UACA: variants seen among roughly 807,000 people sequenced by gnomAD.
The protein encoded by UACA is nuclear membrane binding protein.
A neutral mutation model predicts 160.5 loss-of-function variants in UACA; 112 were observed. That is an observed-to-expected ratio of 0.70 (90% CI 0.60 to 0.82). The LOEUF (loss-of-function observed/expected upper bound fraction) is 0.82, where lower values mean the gene tolerates loss of function less well. UACA is among the 40% of genes least tolerant of loss of function. The pLI is 0.00. For synonymous variants in UACA, 557 were observed against 568.4 expected (o/e 0.98, Z 0.29); for missense variants, 1,574 against 1,614.6 (o/e 0.97, Z 0.43).
Position 70,684,402 on chromosome 15 carries a change from AC to A in UACA, c.646del (p.Val216Ter), listed in dbSNP as rs755443569. 5 of 1,613,626 alleles carry A rather than the reference AC, an allele frequency of 3.1e-6. No individual in the cohort carries two copies. The East Asian group carries it at 1.1e-4, about 36-fold the overall frequency. On this transcript the variant is annotated frameshift_variant, in exon 8 of 19. Transcript: ENST00000322954. LOFTEE classifies it high-confidence loss of function. ...AGCACCATTTTTAATTAAGACTTCTACTGCATCTCTGCAACCATATTCGCAA... is the reference window on the plus strand; with the variant it reads ...AGCACCATTTTTAATTAAGACTTCTATGCATCTCTGCAACCATATTCGCAA... ...LGCEYGCRDA[V>X]EVLIKNGADI...
chr15:70,765,851 A>G (rs751460691), upstream of UACA, among the ~76,000 whole-genome samples: 2 of 152,148 alleles, frequency 1.3e-5, no homozygotes, highest in African/African-American at 4.8e-5. Context: ...CCCATTTACC[A>G]TCTAGTCCTC....
chr15:70,748,579 C>T (rs1317845987), intron 1 of UACA, among the ~76,000 whole-genome samples: 1 of 152,204 alleles, frequency 6.6e-6, no homozygotes, highest in African/African-American at 2.4e-5. Flanking sequence ...ATACAGCCTG[C>T]AGTCACATGC....
At chr15:70,690,263 C>T (rs1472118017) in intron 5 of UACA, among the ~76,000 whole-genome samples, 191 bp downstream of exon 5, 1 of 152,010 alleles carries the variant, frequency 6.6e-6, no homozygotes, top group African/African-American at 2.4e-5. Context: ...GCTGACTGGC[C>T]TGTAAATACT....
intron 3 of UACA, among the ~76,000 whole-genome samples, chr15:70,693,369 G>A (rs1898009118): frequency 6.6e-6 from 1 of 152,036 alleles, no homozygotes. Context: ...TCTCAAAACT[G>A]CACTAATTTG....
Position 70,700,324 on chromosome 15 carries a change from C to T in UACA, c.79-664G>A, listed in dbSNP as rs1310527505. ...TTGTATATATATATATATATACACA[C>T]ACACACACACACACACATTCTATAC... On this transcript the variant is annotated intron_variant, in intron 1 of 18. Transcript: ENST00000322954. Among the ~76,000 whole-genome samples, 27 of 116,418 alleles carry T rather than the reference C, an allele frequency of 2.3e-4. 1 individual carries two copies. The highest frequency in any genetic ancestry group is 1.3e-3 in the South Asian group (5 of 3,776). The allele number at this position is 116,418 out of a possible 152,430, so 76.4% of individuals were successfully genotyped here.
At chr15:70,724,430 A>G (rs1899086261) in intron 1 of UACA, among the ~76,000 whole-genome samples, 1 of 152,234 alleles carries the variant, frequency 6.6e-6, no homozygotes, top group Admixed American at 6.5e-5. Context: ...CTAAATATAT[A>G]ATGATAGTCC....
At chr15:70,702,250 G>C (rs1898392983) in intron 1 of UACA, 1 of 1,070,438 alleles carries the variant, frequency 9.3e-7, no homozygotes, top group Non-Finnish European at 1.1e-6. Flanking sequence ...TGGAAAACTT[G>C]AACAGCACTC....
upstream of UACA, among the ~76,000 whole-genome samples, chr15:70,766,236 G>A (rs148734061): frequency 6.6e-6 from 1 of 152,288 alleles, no homozygotes; most frequent in African/African-American, 2.4e-5. Flanking sequence ...ATTCAGTAAA[G>A]CTTTTTTACA....
rs143299796 is a variant in UACA, at chr15:70,667,826, T to C, written c.2858A>G (p.Tyr953Cys). 7.4e-6 allele frequency: 12 copies of C among 1,613,794 alleles called. No individual in the cohort carries two copies. The African/African-American group carries it at 1.3e-4, about 18-fold the overall frequency. The part of the protein sequence containing the change: ...QDSNAEILAN[Y>C]RKGQEEIVTL... Reference sequence around the variant, plus strand: ...CACAATCTCTTCTTGGCCTTTTCTGTAGTTGGCCAAGATTTCAGCATTACT... The same window carrying C: ...CACAATCTCTTCTTGGCCTTTTCTGCAGTTGGCCAAGATTTCAGCATTACT... Residue 953 changes from tyrosine (Y) to cysteine (C), a missense_variant, in exon 16 of 19, where the codon TAC becomes TGC. By Grantham distance (194) the Tyr-to-Cys change is radical (BLOSUM62 -2). Transcript: ENST00000322954.
In UACA at chr15:70,690,463, G is replaced by C. The variant is rs1282084972; in HGVS notation, c.415C>G (p.His139Asp). ...GGAAACCACTGCTCACCGGCATCGTGAAGTGCAGTTCTTCCCTGCAGGTCT... is the reference window on the plus strand; with the variant it reads ...GGAAACCACTGCTCACCGGCATCGTCAAGTGCAGTTCTTCCCTGCAGGTCT... The part of the protein sequence containing the change: ...HADLQGRTAL[H>D]DAAMADCPSS... The change falls in exon 5 of 19, where the codon CAC becomes GAC. Residue 139 changes from histidine to aspartate, a missense_variant. His to Asp is a moderately conservative substitution (Grantham distance 81). Transcript: ENST00000322954. 2 of 1,612,870 alleles carry C rather than the reference G, an allele frequency of 1.2e-6. No individual in the cohort carries two copies. Among genetic ancestry groups the C allele is most frequent in the East Asian group, 4.5e-5 (2 of 44,812 alleles).
chr15:70,766,636 T>C (rs2031014679), upstream of UACA, among the ~76,000 whole-genome samples: 1 of 152,204 alleles, frequency 6.6e-6, no homozygotes, highest in Non-Finnish European at 1.5e-5. Flanking sequence ...AGATAACAAA[T>C]GTGTAAGCTG....
intron 1 of UACA, among the ~76,000 whole-genome samples, chr15:70,762,720 T>C (rs1194611749): frequency 2.0e-5 from 3 of 152,246 alleles, no homozygotes; most frequent in Admixed American, 6.5e-5. Context: ...GGTTTTGTCT[T>C]TACGACTAAG....
intron 17 of UACA, among the ~76,000 whole-genome samples, chr15:70,663,378 T>C (rs1045270235): frequency 2.0e-5 from 3 of 152,054 alleles, no homozygotes; most frequent in African/African-American, 4.8e-5. Context: ...GGAGAGGATG[T>C]GGAGAAATAG....
chr15:70,768,667 A>G, the UACA span, among the ~76,000 whole-genome samples: 1 of 152,226 alleles, frequency 6.6e-6, no homozygotes, highest in Non-Finnish European at 1.5e-5. Context: ...TTCTGGGATC[A>G]GTAACCATCT....
chr15:70,692,636 G>C (rs1897980279), intron 3 of UACA, among the ~76,000 whole-genome samples: 1 of 152,082 alleles, frequency 6.6e-6, no homozygotes, highest in South Asian at 2.1e-4. Context: ...CAGGTGTGGT[G>C]GTGTATGCCT....
At chr15:70,692,225 C>T (rs1897963634) in intron 3 of UACA, among the ~76,000 whole-genome samples, 1 of 152,140 alleles carries the variant, frequency 6.6e-6, no homozygotes, top group African/African-American at 2.4e-5. Context: ...TAGTGTGCAG[C>T]CTCATAGCTC....
At chr15:70,676,426 A>G in intron 13 of UACA, 67 bp downstream of exon 13, 1 of 1,125,970 alleles carries the variant, frequency 8.9e-7, no homozygotes. Context: ...TTCAAATTCA[A>G]GTCTGATGCC....
chr15:70,741,982 A>G (rs964586109), intron 1 of UACA, among the ~76,000 whole-genome samples: 3 of 152,260 alleles, frequency 2.0e-5, no homozygotes, highest in African/African-American at 7.2e-5. Flanking sequence ...ACAATGGATC[A>G]TAAGTGTAGT....
chr15:70,687,691 C>A (rs990295575), intron 6 of UACA, 45 bp from the exon 7 acceptor site: 1 of 1,612,886 alleles, frequency 6.2e-7, no homozygotes, highest in Admixed American at 1.7e-5. Context: ...AACAGATCTC[C>A]CAAAATGTAG....
Sources: allele counts gnomAD v4.1 joint callset (sites outside exome capture counted in the v4.1 genomes callset), GRCh38; gene constraint gnomAD v4.1.1; transcripts MANE v1.5; gene names NCBI Gene and HGNC (gene_info 2026-07-23, HGNC 2026-07-21).